Variants in EYA2 observed in about 807,000 individuals in gnomAD.
EYA2 encodes the protein protein phosphatase EYA2.
In EYA2, 31 loss-of-function variants were observed where a neutral mutation model predicts 69.2. The ratio of observed to expected loss-of-function variants is 0.45; its 90% CI spans 0.34 to 0.60. The LOEUF (loss-of-function observed/expected upper bound fraction) is 0.60. EYA2 is among the 20% of genes least tolerant of loss of function. EYA2 has a pLI of 0.02. For synonymous variants in EYA2, 257 were observed against 279.4 expected (o/e 0.92, Z 0.80); for missense variants, 622 against 701.2 (o/e 0.89, Z 1.28).
At chr20:47,114,574 C>A (rs2032841041) in intron 9 of EYA2, among the ~76,000 whole-genome samples, 1 of 152,176 alleles carries the variant, frequency 6.6e-6, no homozygotes, top group Admixed American at 6.5e-5. Context: ...GAAATCGTGC[C>A]ATTGCACTCC....
At chr20:47,091,012 C>G (rs2032068259) in intron 8 of EYA2, among the ~76,000 whole-genome samples, 1 of 151,976 alleles carries the variant, frequency 6.6e-6, no homozygotes, top group Admixed American at 6.6e-5. Flanking sequence ...ATTGTCAGTG[C>G]CAGGCAGTTC....
intron 14 of EYA2, 83 bp from the exon 15 acceptor site, chr20:47,183,208 C>T: frequency 7.8e-7 from 1 of 1,281,358 alleles, no homozygotes; most frequent in South Asian, 1.3e-5. Context: ...CAGCTGCAGG[C>T]ACCAAGCTCT....
At chr20:47,092,394 A>G (rs2032112652) in intron 8 of EYA2, among the ~76,000 whole-genome samples, 1 of 152,152 alleles carries the variant, frequency 6.6e-6, no homozygotes, top group African/African-American at 2.4e-5. Context: ...ATTTTGCACA[A>G]TCCCTTCAGT....
intron 8 of EYA2, among the ~76,000 whole-genome samples, chr20:47,093,337 G>A (rs947873851): frequency 1.3e-5 from 2 of 152,232 alleles, no homozygotes; most frequent in South Asian, 2.1e-4. Context: ...GCTGAAGTCC[G>A]AGGGGAGTGG....
intron 9 of EYA2, among the ~76,000 whole-genome samples, chr20:47,123,486 C>G (rs1211031793): frequency 6.6e-6 from 1 of 152,110 alleles, no homozygotes; most frequent in Non-Finnish European, 1.5e-5. Flanking sequence ...AGAGAATGAC[C>G]TGTCTGGAGT....
chr20:46,974,341 C>T (rs1414496496), intron 1 of EYA2, among the ~76,000 whole-genome samples: 3 of 152,188 alleles, frequency 2.0e-5, no homozygotes, highest in African/African-American at 4.8e-5. Flanking sequence ...TCTCTCCTGC[C>T]TGTTTCTCTT....
At chr20:47,104,418 C>T (rs1356687313) in intron 9 of EYA2, among the ~76,000 whole-genome samples, 1 of 152,066 alleles carries the variant, frequency 6.6e-6, no homozygotes, top group Non-Finnish European at 1.5e-5. Flanking sequence ...CTTTGAAATA[C>T]CAAGCTTTTT....
At chr20:47,005,810 G>A (rs756903774) in intron 4 of EYA2, among the ~76,000 whole-genome samples, 3 of 152,172 alleles carry the variant, frequency 2.0e-5, no homozygotes, top group African/African-American at 4.8e-5. Flanking sequence ...GAAGACTTGC[G>A]AACCTGGCTC....
intron 1 of EYA2, among the ~76,000 whole-genome samples, chr20:46,971,798 T>C (rs568088089): frequency 2.8e-4 from 42 of 152,344 alleles, no homozygotes; most frequent in Admixed American, 3.9e-4. Flanking sequence ...TGATAAGTGG[T>C]GCATGCATGA....
intron 15 of EYA2, among the ~76,000 whole-genome samples, chr20:47,184,413 CTT>C (rs36118012): frequency 0.43 from 49,799 of 117,148 alleles, 10,594 homozygotes; most frequent in Non-Finnish European, 0.45. Flanking sequence ...CATTGCATCC[CTT>C]TTTTTTTTTT....
At chr20:47,176,446 C>T (rs960355695) in intron 12 of EYA2, among the ~76,000 whole-genome samples, 1 of 152,070 alleles carries the variant, frequency 6.6e-6, no homozygotes. Flanking sequence ...TGGCAGAGAG[C>T]CCAGCGTGGG....
intron 5 of EYA2, among the ~76,000 whole-genome samples, chr20:47,057,110 G>T (rs1342574585): frequency 1.4e-5 from 2 of 142,170 alleles, no homozygotes; most frequent in African/African-American, 5.3e-5. Flanking sequence ...GAGGGAGGGA[G>T]GGAGGGAAGG....
intron 5 of EYA2, among the ~76,000 whole-genome samples, chr20:47,056,917 C>T (rs1032311703): frequency 2.0e-5 from 3 of 151,950 alleles, no homozygotes; most frequent in Admixed American, 6.6e-5. Context: ...TGGTGGTGCA[C>T]ACCTGTAGTC....
intron 1 of EYA2, among the ~76,000 whole-genome samples, chr20:46,982,595 A>C (rs1210875236): frequency 6.6e-6 from 1 of 152,036 alleles, no homozygotes; most frequent in Non-Finnish European, 1.5e-5. Flanking sequence ...TAGATCTTTT[A>C]CCATGTACCA....
chr20:46,985,731 C>T (rs1981139814), intron 1 of EYA2, among the ~76,000 whole-genome samples: 1 of 152,122 alleles, frequency 6.6e-6, no homozygotes, highest in Admixed American at 6.5e-5. Context: ...TGTTCAGTGC[C>T]AGCTGGTTGC....
intron 9 of EYA2, among the ~76,000 whole-genome samples, chr20:47,136,955 G>A (rs951466987): frequency 1.3e-5 from 2 of 151,964 alleles, no homozygotes; most frequent in Non-Finnish European, 2.9e-5. Context: ...AATCTACAGC[G>A]TCTTTGTCTG....
intron 1 of EYA2, among the ~76,000 whole-genome samples, chr20:46,965,306 G>A (rs964707642): frequency 6.6e-6 from 1 of 152,220 alleles, no homozygotes; most frequent in South Asian, 2.1e-4. Flanking sequence ...TGTAAAAAGG[G>A]CTTTAAACAG....
chr20:47,188,403 A>G lies in EYA2; in HGVS notation c.*270A>G. 2 of 566,572 alleles carry G rather than the reference A, an allele frequency of 3.5e-6. No individual in the cohort carries two copies. The highest frequency in any genetic ancestry group is 5.6e-5 in the East Asian group (2 of 36,010). 35.1% of individuals were successfully genotyped at this position (566,572 alleles called of 1,614,324 possible). On this transcript the variant is annotated 3_prime_UTR_variant, in exon 16 of 16. Transcript: ENST00000327619. Reference sequence around the variant, plus strand: ...GACTCTTCTGTAAGACTCACAGAACAAAAGCAAGGAATTGCTGATTTGGGG... The same window carrying G: ...GACTCTTCTGTAAGACTCACAGAACGAAAGCAAGGAATTGCTGATTTGGGG...
intron 10 of EYA2, among the ~76,000 whole-genome samples, chr20:47,151,915 C>T (rs753259671): frequency 6.6e-5 from 10 of 151,990 alleles, no homozygotes; most frequent in African/African-American, 9.7e-5. Context: ...TCTTGCCCTA[C>T]GACCCCATCC....
Sources: allele counts gnomAD v4.1 joint callset (sites outside exome capture counted in the v4.1 genomes callset), GRCh38; gene constraint gnomAD v4.1.1; transcripts MANE v1.5; gene names NCBI Gene and HGNC (gene_info 2026-07-23, HGNC 2026-07-21).